Variants in ATP5F1A observed in about 807,000 individuals in gnomAD.
ATP5F1A encodes ATP synthase F1 subunit alpha.
ATP5F1A carries 24 observed loss-of-function variants against 57.4 expected under a neutral mutation model. The observed-to-expected ratio is 0.42, with a 90% confidence interval of 0.30 to 0.59. ATP5F1A has a LOEUF of 0.59. Ranked by LOEUF, ATP5F1A falls within the 20% of genes least tolerant of loss-of-function variation. The probability of loss-of-function intolerance (pLI) is 0.19; values close to 1 mark genes in which losing one functional copy is unlikely to be tolerated. For missense variants in ATP5F1A, 494 were observed against 707.9 expected, an observed-to-expected ratio of 0.70 and a Z score of 3.43; for synonymous variants, 251 against 255.5, an observed-to-expected ratio of 0.98 and a Z score of 0.17.
chr18:46,088,028 CTTCA>C (rs1184831443), intron 6 of ATP5F1A, 77 bp downstream of exon 6: 4 of 1,489,498 alleles, frequency 2.7e-6, no homozygotes, highest in Non-Finnish European at 3.6e-6. Flanking sequence ...TAAAATATGC[CTTCA>C]TTAAGTAGAA....
upstream of ATP5F1A, among the ~76,000 whole-genome samples, chr18:46,100,251 T>TAAA (rs34683117): frequency 2.6e-4 from 18 of 68,636 alleles, no homozygotes; most frequent in South Asian, 1.9e-3. Context: ...AAACTCCATC[T>TAAA]AAAAAAAAAA....
chr18:46,087,980 T>C, intron 6 of ATP5F1A, 129 bp downstream of exon 6: 1 of 969,654 alleles, frequency 1.0e-6, no homozygotes, highest in Non-Finnish European at 1.5e-6. Context: ...TCTTACCTAC[T>C]GATTTGTATT....
intron 2 of ATP5F1A, among the ~76,000 whole-genome samples, chr18:46,094,523 C>T (rs1203756708): frequency 2.0e-5 from 3 of 152,068 alleles, no homozygotes; most frequent in South Asian, 4.2e-4. Flanking sequence ...AAAAATTAGC[C>T]GGGCATGGTG....
At chr18:46,096,982 C>CAAAAAAAAAA (rs71160709) in intron 1 of ATP5F1A, among the ~76,000 whole-genome samples, 23 of 75,170 alleles carry the variant, frequency 3.1e-4, no homozygotes, top group African/African-American at 1.2e-3. Context: ...GACACCATCT[C>CAAAAAAAAAA]AAAAAAAAAA....
At chr18:46,097,000 A>AAAAAAAAAAAAAAAAAG (rs1911014187) in intron 1 of ATP5F1A, among the ~76,000 whole-genome samples, 1 of 151,550 alleles carries the variant, frequency 6.6e-6, no homozygotes, top group African/African-American at 2.4e-5. Flanking sequence ...AAAAAAAAAA[A>AAAAAAAAAAAAAAAAAG]AAAAAACAAG....
At chr18:46,097,911 T>A in intron 1 of ATP5F1A, 1 of 1,240,090 alleles carries the variant, frequency 8.1e-7, no homozygotes. Flanking sequence ...AGGGCCGCTG[T>A]CAGCCGAAGA....
At chr18:46,089,799 A>G (rs766670461) in intron 4 of ATP5F1A, 24 bp downstream of exon 4, 9 of 1,609,636 alleles carry the variant, frequency 5.6e-6, no homozygotes, top group Non-Finnish European at 6.8e-6. Context: ...AGCTGCAACT[A>G]TATCTAACGA....
chr18:46,091,623 A>C (rs754366829), intron 3 of ATP5F1A, 59 bp downstream of exon 3: 80 of 1,464,700 alleles, frequency 5.5e-5, no homozygotes, highest in Non-Finnish European at 7.3e-5. Context: ...TTGAATCGCT[A>C]AATGAATAAC....
chr18:46,088,099 C>A lies in ATP5F1A; in HGVS notation c.799+10G>T, dbSNP rs1020204215. The A allele has an allele frequency of 6.3e-6, 10 of 1,588,956 alleles. No homozygotes were observed. Among genetic ancestry groups the A allele is most frequent in the Middle Eastern group, 2.2e-4 (1 of 4,594 alleles). ...AGATAATAGCAATGGGACTAAATTT[C>A]TTTTAATACCTGCATCTGTAAGTCT... On this transcript the variant is annotated intron_variant, in intron 6 of 11. Transcript: ENST00000398752.
upstream of ATP5F1A, among the ~76,000 whole-genome samples, chr18:46,102,955 A>G (rs1335905705): frequency 3.3e-5 from 5 of 152,028 alleles, no homozygotes; most frequent in Admixed American, 1.3e-4. Flanking sequence ...CTAAAAATAA[A>G]ATAAAATAAA....
At chr18:46,096,678 A>T (rs1002373290) in intron 1 of ATP5F1A, among the ~76,000 whole-genome samples, 4 of 151,330 alleles carry the variant, frequency 2.6e-5, no homozygotes, top group Admixed American at 2.6e-4. Flanking sequence ...TAAAAACAAC[A>T]ACAACAACAA....
intron 2 of ATP5F1A, among the ~76,000 whole-genome samples, chr18:46,093,546 A>T (rs746686816): frequency 1.4e-4 from 22 of 151,868 alleles, no homozygotes; most frequent in Non-Finnish European, 2.5e-4. Context: ...CTCAAAAAAC[A>T]AAACAAAACA....
rs773653839 is a variant in ATP5F1A, at chr18:46,091,857, G to A, written c.140-6C>T. 1.2e-6 allele frequency: 2 copies of A among 1,606,450 alleles called. No individual in the cohort carries two copies. The highest frequency in any genetic ancestry group is 1.7e-6 in the Non-Finnish European group (2 of 1,177,958). ...AGAGGACATCTCAGCAGTCCCTATGGAAGACAATTCAATTCAATTAAAAAA... is the reference window on the plus strand; with the variant it reads ...AGAGGACATCTCAGCAGTCCCTATGAAAGACAATTCAATTCAATTAAAAAA... On this transcript the variant is annotated splice_region_variant and splice_polypyrimidine_tract_variant and intron_variant, in intron 2 of 11. Coordinates refer to ENST00000398752, the MANE Select transcript of ATP5F1A (RefSeq NM_004046.6).
intron 10 of ATP5F1A, 51 bp from the exon 11 acceptor site, chr18:46,084,705 C>T: frequency 1.4e-6 from 2 of 1,480,454 alleles, no homozygotes; most frequent in Non-Finnish European, 1.8e-6. Flanking sequence ...GAAATGAATG[C>T]CATGTTACCA....
At position 46,081,673 on chromosome 18, in the gene ATP5F1A, C is replaced by CAAAAAAAAAAAAAAAAAAAAAAAAAAAAA. The variant is rs1159742250; in HGVS notation, c.*2608_*2609insTTTTTTTTTTTTTTTTTTTTTTTTTTTTT. 1.3e-5 allele frequency: 1 copy of CAAAAAAAAAAAAAAAAAAAAAAAAAAAAA among 75,454 alleles called. No homozygotes were observed. The highest frequency in any genetic ancestry group is 2.7e-5 in the Non-Finnish European group (1 of 36,814). The allele number at this position is 75,454 out of a possible 1,614,324, so 4.7% of individuals were successfully genotyped here. A position where few individuals can be genotyped will look rare whatever the true frequency, so the allele number is the denominator to read the frequency against. The stretch of plus-strand genomic sequence containing the variant: ...GAGCAAAACTCTCAAAAAAAAAAAA[C>CAAAAAAAAAAAAAAAAAAAAAAAAAAAAA]AAAAAAAAAAAAAAAAAAAAAAAAC... On this transcript the variant is annotated 3_prime_UTR_variant, in exon 12 of 12. Coordinates refer to ENST00000398752, the MANE Select transcript of ATP5F1A (RefSeq NM_004046.6).
At chr18:46,092,070 C>T (rs1024302047) in intron 2 of ATP5F1A, 7 of 272,230 alleles carry the variant, frequency 2.6e-5, no homozygotes, top group East Asian at 2.3e-4. Flanking sequence ...ACTCGGGAGG[C>T]GGAGGCTGAG....
At chr18:46,086,771 G>C (rs1294022907) in intron 8 of ATP5F1A, 1 of 605,192 alleles carries the variant, frequency 1.7e-6, no homozygotes, top group African/African-American at 1.9e-5. Flanking sequence ...CTAGAAGGGA[G>C]AACAGTAGTG....
intron 5 of ATP5F1A, among the ~76,000 whole-genome samples, chr18:46,088,957 C>CAA (rs1164865162): frequency 6.6e-6 from 1 of 151,914 alleles, no homozygotes; most frequent in Non-Finnish European, 1.5e-5. Flanking sequence ...TGTGTAAAGT[C>CAA]AAACATAAAT....
At chr18:46,089,252 C>G (rs1017091100) in intron 5 of ATP5F1A, among the ~76,000 whole-genome samples, 1 of 152,244 alleles carries the variant, frequency 6.6e-6, no homozygotes, top group Non-Finnish European at 1.5e-5. Context: ...GTCTCTCAAC[C>G]CACCTGACGA....
Sources: gnomAD v4.1 joint callset for allele counts (sites outside exome capture counted in the v4.1 genomes callset) on GRCh38, gnomAD v4.1.1 for gene constraint, MANE v1.5 for transcripts, NCBI Gene and HGNC (gene_info 2026-07-23, HGNC 2026-07-21) for gene names.